KAT2B: variants seen among roughly 807,000 people sequenced by gnomAD.
The protein encoded by KAT2B is histone acetyltransferase KAT2B.
In KAT2B, 36 loss-of-function variants were observed where a neutral mutation model predicts 105.9. The observed-to-expected ratio is 0.34, with a 90% CI of 0.26 to 0.45. The LOEUF is 0.45. Among genes scored for constraint, KAT2B ranks in the 20% least tolerant of loss-of-function variants. The pLI is 1.00. For missense variants in KAT2B, 820 were observed against 1,021.6 expected, an observed-to-expected ratio of 0.80 and a Z score of 2.69; for synonymous variants, 397 against 377.9, an observed-to-expected ratio of 1.05 and a Z score of -0.59.
intron 1 of KAT2B, among the ~76,000 whole-genome samples, chr3:20,068,950 G>A (rs973615348): frequency 1.3e-5 from 2 of 152,122 alleles, no homozygotes; most frequent in African/African-American, 4.8e-5. Flanking sequence ...GTAGCTATGC[G>A]GCAACTAAGA....
intron 12 of KAT2B, among the ~76,000 whole-genome samples, chr3:20,139,866 G>T (rs6550364): frequency 6.6e-6 from 1 of 152,008 alleles, no homozygotes; most frequent in East Asian, 1.9e-4. Flanking sequence ...TGAGAATCCT[G>T]GGGACCCCCT....
At chr3:20,095,458 C>A in intron 3 of KAT2B, 50 bp downstream of exon 3, 1 of 1,340,466 alleles carries the variant, frequency 7.5e-7, no homozygotes, top group Non-Finnish European at 1.0e-6. Flanking sequence ...TCAAATGTAC[C>A]CAGTCTCCAT....
chr3:20,083,077 A>G (rs1698548301), intron 2 of KAT2B, among the ~76,000 whole-genome samples: 4 of 152,202 alleles, frequency 2.6e-5, no homozygotes, highest in Non-Finnish European at 5.9e-5. Flanking sequence ...AGGAAAAAGG[A>G]ATAGTCTCTC....
chr3:20,146,810 G>A lies in KAT2B; in HGVS notation c.2119+380G>A, dbSNP rs376309145. Among the ~76,000 whole-genome samples, 123 of 152,270 alleles carry A rather than the reference G, an allele frequency of 8.1e-4. 1 individual carries two copies. The highest frequency in any genetic ancestry group is 4.4e-3 in the Admixed American group (68 of 15,298). ...TGTTAAAGGGCACATAGCCAGTAAC[G>A]GTCAGAATTAGAAGCAGCCCAGTTC... On this transcript the variant is annotated intron_variant, in intron 14 of 17. Coordinates refer to ENST00000263754, the MANE Select transcript of KAT2B (RefSeq NM_003884.5).
chr3:20,106,898 A>G, intron 5 of KAT2B, among the ~76,000 whole-genome samples: 1 of 145,446 alleles, frequency 6.9e-6, no homozygotes, highest in Admixed American at 7.0e-5. Flanking sequence ...ATATATAATT[A>G]AAAATTTTCT....
At chr3:20,073,298 C>T (rs1037788619) in intron 2 of KAT2B, among the ~76,000 whole-genome samples, 5 of 152,186 alleles carry the variant, frequency 3.3e-5, no homozygotes, top group African/African-American at 1.2e-4. Context: ...GGACATAGCA[C>T]TCACTGGGCA....
intron 5 of KAT2B, among the ~76,000 whole-genome samples, 165 bp downstream of exon 5, chr3:20,101,633 T>A (rs958435392): frequency 6.6e-6 from 1 of 152,202 alleles, no homozygotes; most frequent in Non-Finnish European, 1.5e-5. Flanking sequence ...TTTTCATTGC[T>A]ATCATAATAT....
chr3:20,040,685 G>C lies in KAT2B; in HGVS notation c.208G>C (p.Gly70Arg). The change falls in exon 1 of 18, where the codon GGT becomes CGT. Residue 70 changes from glycine (G) to arginine (R), a missense_variant. Coordinates refer to ENST00000263754, the MANE Select transcript of KAT2B (RefSeq NM_003884.5). ...AAGTAEGPGG[G>R]GSARIAVKKA... Reference sequence around the variant, plus strand: ...GGGCACGGCCGAAGGACCGGGAGGCGGTGGCTCGGCCCGAATCGCCGTGAA... The same window carrying C: ...GGGCACGGCCGAAGGACCGGGAGGCCGTGGCTCGGCCCGAATCGCCGTGAA... 1.3e-6 allele frequency: 2 copies of C among 1,568,816 alleles called. No homozygotes were observed. The highest frequency in any genetic ancestry group is 1.7e-6 in the Non-Finnish European group (2 of 1,162,770).
chr3:20,148,094 T>C, intron 15 of KAT2B, 95 bp downstream of exon 15: 4 of 1,380,602 alleles, frequency 2.9e-6, no homozygotes, highest in Non-Finnish European at 4.1e-6. Context: ...TTGTAATCAC[T>C]AACACAACAG....
At chr3:20,090,954 G>A (rs1698707838) in intron 2 of KAT2B, among the ~76,000 whole-genome samples, 1 of 152,016 alleles carries the variant, frequency 6.6e-6, no homozygotes, top group South Asian at 2.1e-4. Flanking sequence ...GTCTCACTAT[G>A]TTGTGCAGGC....
intron 2 of KAT2B, among the ~76,000 whole-genome samples, chr3:20,074,978 C>A (rs1269248976): frequency 6.6e-6 from 1 of 152,048 alleles, no homozygotes; most frequent in African/African-American, 2.4e-5. Flanking sequence ...AAATATAATA[C>A]CATAAGGCCG....
intron 1 of KAT2B, 36 bp downstream of exon 1, chr3:20,040,816 C>T: frequency 1.3e-6 from 2 of 1,548,632 alleles, no homozygotes; most frequent in Middle Eastern, 1.9e-4. Context: ...CGGATGGGTG[C>T]TAGGGGCCCA....
At chr3:20,118,974 G>A (rs1312533715) in intron 7 of KAT2B, among the ~76,000 whole-genome samples, 1 of 151,806 alleles carries the variant, frequency 6.6e-6, no homozygotes, top group Admixed American at 6.6e-5. Context: ...GCTGTCTTCT[G>A]TTTTTGCCTC....
intron 5 of KAT2B, among the ~76,000 whole-genome samples, chr3:20,105,244 T>C (rs1698979704): frequency 6.6e-6 from 1 of 152,184 alleles, no homozygotes; most frequent in Admixed American, 6.5e-5. Flanking sequence ...CAGGAGCAAT[T>C]GTGGTTATAG....
intron 2 of KAT2B, among the ~76,000 whole-genome samples, chr3:20,091,007 C>T (rs1698708736): frequency 6.6e-6 from 1 of 152,178 alleles, no homozygotes; most frequent in Non-Finnish European, 1.5e-5. Flanking sequence ...CTACCTCAGC[C>T]TCCTGAAGTG....
intron 14 of KAT2B, 108 bp downstream of exon 14, chr3:20,146,538 G>A (rs1207657869): frequency 1.5e-5 from 10 of 655,376 alleles, no homozygotes; most frequent in East Asian, 5.2e-5. Context: ...TGCCCTGCCC[G>A]TCTCTGTGTT....
rs139743528 is a variant in KAT2B at position 20,081,878 on chromosome 3, C to CATATATATATATAT, written c.430+9431_430+9432insATATATATATATAT. On this transcript the variant is annotated intron_variant, in intron 2 of 17. Transcript: ENST00000263754. ...TTTATTTTATTTGCTGTCATTGGCT[C>CATATATATATATAT]ATATATATATATGTATAAATGTATA... Among the ~76,000 whole-genome samples the CATATATATATATAT allele has an allele frequency of 6.3e-3, 886 of 140,520 alleles. 24 individuals carry two copies. Among genetic ancestry groups the CATATATATATATAT allele is most frequent in the African/African-American group, 0.021 (724 of 35,144 alleles). The allele number at this position is 140,520 out of a possible 152,430, so 92.2% of individuals were successfully genotyped here.
Position 20,096,991 on chromosome 3 carries a change from A to C in KAT2B, c.576+1583A>C, listed in dbSNP as rs1698823051. Among the ~76,000 whole-genome samples the C allele has an allele frequency of 1.3e-5, 2 of 152,076 alleles. 1 individual carries two copies. The highest frequency in any genetic ancestry group is 4.1e-4 in the South Asian group (2 of 4,820). On this transcript the variant is annotated intron_variant, in intron 3 of 17. Coordinates refer to ENST00000263754, the MANE Select transcript of KAT2B (RefSeq NM_003884.5). The stretch of plus-strand genomic sequence containing the variant: ...AGAGAGAAAGAGAGTGGGGGAAGAG[A>C]GAGAATATGAACAGCTGGATTCCCC...
intron 1 of KAT2B, among the ~76,000 whole-genome samples, chr3:20,068,156 C>G (rs916718899): frequency 6.7e-6 from 1 of 148,962 alleles, no homozygotes; most frequent in Non-Finnish European, 1.5e-5. Flanking sequence ...ACCACCATGC[C>G]GACTAATTTT....
Sources: gnomAD v4.1 joint callset for allele counts (sites outside exome capture counted in the v4.1 genomes callset) on GRCh38, gnomAD v4.1.1 for gene constraint, MANE v1.5 for transcripts, NCBI Gene and HGNC (gene_info 2026-07-23, HGNC 2026-07-21) for gene names.